PCYOX1: variants seen among roughly 807,000 people sequenced by gnomAD.
PCYOX1 encodes the protein prenylcysteine oxidase 1.
PCYOX1 carries 46 observed loss-of-function variants against 46.4 expected under a neutral mutation model. That is an observed-to-expected ratio of 0.99 (90% CI 0.78 to 1.27). The LOEUF (loss-of-function observed/expected upper bound fraction) is 1.27. PCYOX1 is among the 50% of genes most tolerant of loss of function. The probability of loss-of-function intolerance (pLI) is 0.00; values close to 1 mark genes in which losing one functional copy is unlikely to be tolerated. For synonymous variants in PCYOX1, 220 were observed against 231.8 expected, an observed-to-expected ratio of 0.95 and a Z score of 0.46; for missense variants, 658 against 628.3, an observed-to-expected ratio of 1.05 and a Z score of -0.51.
At chr2:70,267,010 G>C (rs552551603) in intron 3 of PCYOX1, among the ~76,000 whole-genome samples, 109 of 152,206 alleles carry the variant, frequency 7.2e-4, no homozygotes, top group African/African-American at 2.1e-3. Flanking sequence ...CGGCTGGGCA[G>C]AGGGGCTCCT....
At chr2:70,259,336 A>G (rs753567986) in intron 1 of PCYOX1, 24 bp from the exon 2 acceptor site, 1 of 1,598,584 alleles carries the variant, frequency 6.3e-7, no homozygotes. Context: ...GGAAAATATA[A>G]TCTTCTGTTT....
chr2:70,262,268 C>T (rs1055594162), intron 3 of PCYOX1, among the ~76,000 whole-genome samples: 8 of 151,930 alleles, frequency 5.3e-5, no homozygotes, highest in African/African-American at 1.2e-4. Context: ...TGGGTTCAAG[C>T]GATACTCCTG....
At chr2:70,259,758 G>A (rs374083907) in intron 2 of PCYOX1, among the ~76,000 whole-genome samples, 192 bp downstream of exon 2, 10 of 148,798 alleles carry the variant, frequency 6.7e-5, no homozygotes, top group African/African-American at 2.2e-4. Context: ...GACACTAGTT[G>A]TCTGTATCTT....
Position 70,258,158 on chromosome 2 carries a change from G to C in PCYOX1, c.-7G>C, listed in dbSNP as rs1250678460. ...TCTTGAGGCCAGCTGCAGAGCTTGTGGAGGCCATGGGGCGCGTCGTCGCGG... is the reference window on the plus strand; with the variant it reads ...TCTTGAGGCCAGCTGCAGAGCTTGTCGAGGCCATGGGGCGCGTCGTCGCGG... On this transcript the variant is annotated 5_prime_UTR_variant, in exon 1 of 6. Transcript: ENST00000433351. The C allele has an allele frequency of 6.3e-7, 1 of 1,588,862 alleles. No individual in the cohort carries two copies. The highest frequency in any genetic ancestry group is 2.3e-5 in the East Asian group (1 of 43,176).
In PCYOX1 at chr2:70,277,668, A is replaced by G. The variant is rs1573985209; in HGVS notation, c.*276A>G. 1 of 300,076 alleles carries G rather than the reference A, an allele frequency of 3.3e-6. No individual in the cohort carries two copies. The highest frequency in any genetic ancestry group is 6.2e-5 in the East Asian group (1 of 16,086). 18.6% of individuals were successfully genotyped at this position (300,076 alleles called of 1,614,324 possible). A position where few individuals can be genotyped will look rare whatever the true frequency, so the allele number is the denominator to read the frequency against. ...CTGATAATAAGAATCACCTGGAGTT[A>G]GGAGGTGGTGGTTGCAGTGAGCCAA... On this transcript the variant is annotated 3_prime_UTR_variant, in exon 6 of 6. Transcript: ENST00000433351.
rs1696705025 is a variant in PCYOX1 at position 70,277,583 on chromosome 2, C to T, written c.*191C>T. ...GAAGGTATAGCTATTGCACTTATGC[C>T]ATCTCCAAAATTTCTTAAGTATTCT... On this transcript the variant is annotated 3_prime_UTR_variant, in exon 6 of 6. Transcript: ENST00000433351. The T allele has an allele frequency of 2.4e-5, 12 of 505,670 alleles. No homozygotes were observed. The highest frequency in any genetic ancestry group is 1.8e-4 in the Admixed American group (5 of 27,146). 31.3% of individuals were successfully genotyped at this position (505,670 alleles called of 1,614,324 possible). A position where few individuals can be genotyped will look rare whatever the true frequency, so the allele number is the denominator to read the frequency against.
At position 70,278,177 on chromosome 2, in the gene PCYOX1, C is replaced by T. The variant is rs1019755915; in HGVS notation, c.*785C>T. On this transcript the variant is annotated 3_prime_UTR_variant, in exon 6 of 6. Coordinates refer to ENST00000433351, the MANE Select transcript of PCYOX1 (RefSeq NM_016297.4). ...TAAAATGAAAAGCAAATATGGGCTA[C>T]TGAATTAAGAAACTGGCATTCTAGT... is the stretch of plus-strand genomic sequence containing the variant. 1 of 152,618 alleles carries T rather than the reference C, an allele frequency of 6.6e-6. No homozygotes were observed. The highest frequency in any genetic ancestry group is 1.5e-5 in the Non-Finnish European group (1 of 68,048). 9.5% of individuals were successfully genotyped at this position (152,618 alleles called of 1,614,324 possible). A position where few individuals can be genotyped will look rare whatever the true frequency, so the allele number is the denominator to read the frequency against.
chr2:70,271,414 AAAAG>A (rs1475418528), intron 3 of PCYOX1, among the ~76,000 whole-genome samples: 3 of 151,634 alleles, frequency 2.0e-5, no homozygotes, highest in African/African-American at 4.8e-5. Flanking sequence ...ATCTATCTTC[AAAAG>A]AAAGAAAATT....
chr2:70,275,317 A>T, intron 4 of PCYOX1, 147 bp downstream of exon 4: 1 of 840,130 alleles, frequency 1.2e-6, no homozygotes, highest in Non-Finnish European at 1.9e-6. Flanking sequence ...GCGTATGTAG[A>T]TGTGCATTTT....
intron 3 of PCYOX1, among the ~76,000 whole-genome samples, chr2:70,269,783 C>T (rs1325421964): frequency 1.6e-4 from 24 of 151,958 alleles, no homozygotes. Context: ...ATAGAGTGAA[C>T]TTTGAATCAG....
Position 70,276,716 on chromosome 2 carries a change from C to T in PCYOX1, c.860-18C>T, listed in dbSNP as rs1259750160. On this transcript the variant is annotated intron_variant, in intron 5 of 5. Coordinates refer to ENST00000433351, the MANE Select transcript of PCYOX1 (RefSeq NM_016297.4). ...GTTAGAAACACTAAACAAATATATGCCTCCTTATTTCCTCTAGGAAATCCA... is the reference window on the plus strand; with the variant it reads ...GTTAGAAACACTAAACAAATATATGTCTCCTTATTTCCTCTAGGAAATCCA... 3 of 1,448,880 alleles carry T rather than the reference C, an allele frequency of 2.1e-6. No individual in the cohort carries two copies. Among genetic ancestry groups the T allele is most frequent in the Non-Finnish European group, 2.8e-6 (3 of 1,062,862 alleles). 89.8% of individuals were successfully genotyped at this position (1,448,880 alleles called of 1,614,324 possible).
At chr2:70,267,199 G>C (rs560345968) in intron 3 of PCYOX1, among the ~76,000 whole-genome samples, 1 of 151,842 alleles carries the variant, frequency 6.6e-6, no homozygotes, top group East Asian at 1.9e-4. Context: ...CGGGGCGGCG[G>C]GGCAGAGGCG....
rs1573975788 is a variant in PCYOX1, at chr2:70,259,573, A to G, written c.319+7A>G. ...CGTTTTGTCAAAGACCTGGGTATGT[A>G]ATTTTGGTCTTGGAGCTCACCAGAT... On this transcript the variant is annotated splice_region_variant and intron_variant, in intron 2 of 5. Coordinates refer to ENST00000433351, the MANE Select transcript of PCYOX1 (RefSeq NM_016297.4). 4 of 1,606,512 alleles carry G rather than the reference A, an allele frequency of 2.5e-6. No individual in the cohort carries two copies. Among genetic ancestry groups the G allele is most frequent in the Non-Finnish European group, 3.4e-6 (4 of 1,173,418 alleles).
chr2:70,280,225 TAC>T lies in PCYOX1; in HGVS notation c.*2835_*2836del, dbSNP rs148391381. On this transcript the variant is annotated 3_prime_UTR_variant, in exon 6 of 6. Coordinates refer to ENST00000433351, the MANE Select transcript of PCYOX1 (RefSeq NM_016297.4). ...GGACATCAAGTAGTTTTAATGCAAC[TAC>T]AGTGTTGAGTGCTTTTTTACTGGGA... The T allele has an allele frequency of 2.6e-4, 39 of 152,342 alleles. No individual in the cohort carries two copies. Among genetic ancestry groups the T allele is most frequent in the Non-Finnish European group, 3.4e-4 (23 of 68,034 alleles). The allele number at this position is 152,342 out of a possible 1,614,324, so 9.4% of individuals were successfully genotyped here. A position where few individuals can be genotyped will look rare whatever the true frequency, so the allele number is the denominator to read the frequency against.
At chr2:70,258,066 G>C (rs1696369749), upstream of PCYOX1, 6 of 973,282 alleles carry the variant, frequency 6.2e-6, no homozygotes, top group Admixed American at 3.0e-5. Context: ...GCTCGCAGGG[G>C]CTGGGCGGCC....
intron 2 of PCYOX1, among the ~76,000 whole-genome samples, chr2:70,260,651 G>A (rs1696422577): frequency 6.6e-6 from 1 of 152,252 alleles, no homozygotes. Context: ...AGCTGGATAG[G>A]TCATGGGGAA....
At position 70,277,114 on chromosome 2, in the gene PCYOX1, A is replaced by G. The variant is rs373490297; in HGVS notation, c.1240A>G (p.Thr414Ala). 6.2e-7 allele frequency: 1 copy of G among 1,614,110 alleles called. No individual in the cohort carries two copies. The highest frequency in any genetic ancestry group is 8.5e-7 in the Non-Finnish European group (1 of 1,180,026). Residue 414 changes from threonine to alanine, a missense_variant, in exon 6 of 6, where the codon ACT becomes GCT. Coordinates refer to ENST00000433351, the MANE Select transcript of PCYOX1 (RefSeq NM_016297.4). The stretch of plus-strand genomic sequence containing the variant: ...GAAGATCTTTTCCCAAGAAACTCTT[A>G]CTAAAGCACAAATTTTAAAGCTCTT... ...VWKIFSQETL[T>A]KAQILKLFLS...
intron 3 of PCYOX1, among the ~76,000 whole-genome samples, chr2:70,274,568 C>CTT (rs201522757): frequency 6.4e-5 from 6 of 94,374 alleles, no homozygotes; most frequent in Non-Finnish European, 1.1e-4. Context: ...TTTTTTTTTT[C>CTT]TTTTTTTTTT....
intron 3 of PCYOX1, among the ~76,000 whole-genome samples, chr2:70,262,150 T>A (rs760747092): frequency 2.6e-5 from 4 of 152,176 alleles, no homozygotes; most frequent in Admixed American, 6.6e-5. Flanking sequence ...TGTTGGCATG[T>A]TCTAGTTTTT....
Sources: gnomAD v4.1 joint callset for allele counts (sites outside exome capture counted in the v4.1 genomes callset) on GRCh38, gnomAD v4.1.1 for gene constraint, MANE v1.5 for transcripts, NCBI Gene and HGNC (gene_info 2026-07-23, HGNC 2026-07-21) for gene names.